The following LIPK variants were observed in gnomAD, a reference collection of about 807,000 sequenced individuals.
The protein encoded by LIPK is lipase member K.
In LIPK, 32 loss-of-function variants were observed where a neutral mutation model predicts 48.6. The observed-to-expected ratio is 0.66, with a 90% confidence interval of 0.50 to 0.88. The LOEUF (loss-of-function observed/expected upper bound fraction) is 0.88, where lower values mean the gene tolerates loss of function less well. Among genes scored for constraint, LIPK ranks in the 40% least tolerant of loss-of-function variants. The pLI, the probability that LIPK is intolerant of heterozygous loss-of-function variation, is 0.00. For synonymous variants in LIPK, 164 were observed against 157.4 expected (o/e 1.04, Z -0.32); for missense variants, 507 against 478.5 (o/e 1.06, Z -0.56).
At chr10:88,726,062 G>C (rs1842331402) in intron 2 of LIPK, among the ~76,000 whole-genome samples, 1 of 125,036 alleles carries the variant, frequency 8.0e-6, no homozygotes, top group African/African-American at 3.4e-5. Context: ...TTTCTCCTTC[G>C]GGCTTCCAGT....
chr10:88,717,879 A>T (rs1490777230), intron 1 of LIPK, among the ~76,000 whole-genome samples: 2 of 149,634 alleles, frequency 1.3e-5, no homozygotes, highest in Non-Finnish European at 3.0e-5. Context: ...GTATTATTTA[A>T]TGTTTTTTTT....
At chr10:88,737,254 C>T (rs950910044) in intron 6 of LIPK, among the ~76,000 whole-genome samples, 18 of 152,152 alleles carry the variant, frequency 1.2e-4, no homozygotes, top group African/African-American at 1.2e-4. Flanking sequence ...CACAACAGCC[C>T]TACCCAGTAG....
In LIPK at chr10:88,743,296, A is replaced by C; in HGVS notation, c.935A>C (p.Asp312Ala). Residue 312 changes from aspartate to alanine, a missense_variant, in exon 9 of 10, where the codon GAT becomes GCT. Physicochemically the swap from Asp to Ala is moderately radical, Grantham distance 126 (BLOSUM62 -2). Transcript: ENST00000404190. The stretch of plus-strand genomic sequence containing the variant: ...CAAGCTTTTGATTGGGGAAACTCTG[A>C]TCAGAACATGATGCACTTCCATCAG... ...QLQAFDWGNS[D>A]QNMMHFHQLT... The C allele has an allele frequency of 6.3e-7, 1 of 1,593,876 alleles. No individual in the cohort carries two copies. Among genetic ancestry groups the C allele is most frequent in the Non-Finnish European group, 8.6e-7 (1 of 1,168,274 alleles).
chr10:88,707,431 C>T (rs1477477268), intron 1 of LIPK, among the ~76,000 whole-genome samples: 1 of 152,010 alleles, frequency 6.6e-6, no homozygotes, highest in African/African-American at 2.4e-5. Context: ...TAATTTTTGC[C>T]TTTAATTTGA....
intron 1 of LIPK, among the ~76,000 whole-genome samples, chr10:88,715,788 CTCCT>C (rs1397329118): frequency 4.7e-5 from 7 of 149,060 alleles, no homozygotes; most frequent in Admixed American, 3.4e-4. Flanking sequence ...CTCTTTCTTT[CTCCT>C]TCCTTCCTTC....
chr10:88,737,401 A>G (rs1167991583), intron 6 of LIPK, among the ~76,000 whole-genome samples: 1 of 152,162 alleles, frequency 6.6e-6, no homozygotes, highest in East Asian at 1.9e-4. Context: ...TCCTGTGGGA[A>G]CTAGTTTCTC....
chr10:88,733,217 C>T (rs975915982), intron 6 of LIPK, among the ~76,000 whole-genome samples: 2 of 152,148 alleles, frequency 1.3e-5, no homozygotes, highest in Admixed American at 1.3e-4. Context: ...TTGACAATTC[C>T]CAAAACCCAG....
At chr10:88,752,481 G>A in intron 9 of LIPK, 36 bp from the exon 10 acceptor site, 2 of 1,462,324 alleles carry the variant, frequency 1.4e-6, no homozygotes, top group Non-Finnish European at 1.9e-6. Context: ...GTAATATTCT[G>A]TAAAAACTTT....
At chr10:88,731,224 A>G (rs1842461079) in intron 4 of LIPK, 43 bp downstream of exon 4, 5 of 1,399,328 alleles carry the variant, frequency 3.6e-6, no homozygotes, top group African/African-American at 1.5e-5. Flanking sequence ...TACTTTCCTC[A>G]TGCATATGTA....
Position 88,724,635 on chromosome 10 carries a change from C to A in LIPK, c.92C>A (p.Ala31Asp). The change falls in exon 2 of 10, where the codon GCT becomes GAT. Residue 31 changes from alanine to aspartate, a missense_variant. Physicochemically the swap from Ala to Asp is moderately radical, Grantham distance 126. Coordinates refer to ENST00000404190, the MANE Select transcript of LIPK (RefSeq NM_001080518.2). ...AAAGGAAACAATGCAAACCCTGAAG[C>A]TAATATGAATATTGTAAGTCATTTA... ...DKKGNNANPE[A>D]NMNISQIISY... is the part of the protein sequence containing the mutation. 1 of 1,592,092 alleles carries A rather than the reference C, an allele frequency of 6.3e-7. No individual in the cohort carries two copies. Among genetic ancestry groups the A allele is most frequent in the Non-Finnish European group, 8.5e-7 (1 of 1,171,090 alleles).
chr10:88,743,081 C>A (rs73352673), intron 8 of LIPK, among the ~76,000 whole-genome samples, 169 bp from the exon 9 acceptor site: 7 of 152,094 alleles, frequency 4.6e-5, no homozygotes, highest in African/African-American at 1.7e-4. Flanking sequence ...CTGTGAATTA[C>A]GATAAGATTT....
intron 1 of LIPK, among the ~76,000 whole-genome samples, chr10:88,707,099 T>G (rs924542209): frequency 4.6e-5 from 7 of 152,150 alleles, no homozygotes; most frequent in African/African-American, 1.7e-4. Flanking sequence ...CTGTTATTTT[T>G]TGTTTGTTTT....
intron 1 of LIPK, among the ~76,000 whole-genome samples, chr10:88,716,998 A>G (rs147483917): frequency 2.2e-4 from 33 of 152,278 alleles, no homozygotes; most frequent in Admixed American, 3.9e-4. Context: ...ATCAAGGAGA[A>G]TGGGGAAAGA....
At chr10:88,741,213 AT>A (rs1842674653) in intron 8 of LIPK, among the ~76,000 whole-genome samples, 3 of 152,038 alleles carry the variant, frequency 2.0e-5, no homozygotes, top group Admixed American at 6.6e-5. Flanking sequence ...TTATTTATTT[AT>A]TTTTTAAGAC....
Position 88,732,675 on chromosome 10 carries a change from T to C in LIPK, c.669+124T>C, listed in dbSNP as rs1309336006. ...AAATAATAGGTATTCAAGATATCCA[T>C]GTAAGTTCACTGATGATGTATGCAA... On this transcript the variant is annotated intron_variant, in intron 6 of 9. Coordinates refer to ENST00000404190, the MANE Select transcript of LIPK (RefSeq NM_001080518.2). The C allele has an allele frequency of 6.0e-6, 6 of 1,007,600 alleles. No homozygotes were observed. The Admixed American group carries it at 9.7e-5, about 16-fold the overall frequency. The allele number at this position is 1,007,600 out of a possible 1,614,324, so 62.4% of individuals were successfully genotyped here.
intron 4 of LIPK, 56 bp from the exon 5 acceptor site, chr10:88,732,122 T>C (rs962299889): frequency 8.4e-7 from 1 of 1,184,800 alleles, no homozygotes; most frequent in Non-Finnish European, 1.2e-6. Flanking sequence ...TGTTTAAATG[T>C]TCTAGGCCTA....
At chr10:88,733,813 C>G (rs1842516999) in intron 6 of LIPK, among the ~76,000 whole-genome samples, 2 of 152,158 alleles carry the variant, frequency 1.3e-5, no homozygotes, top group South Asian at 4.1e-4. Flanking sequence ...CAAAAGATAT[C>G]TAGGAGCTAC....
rs150954196 is a variant in LIPK at position 88,726,617 on chromosome 10, C to A, written c.106-178C>A. Among the ~76,000 whole-genome samples, 393 of 152,234 alleles carry A rather than the reference C, an allele frequency of 2.6e-3. 4 individuals are homozygous for A. Among genetic ancestry groups the A allele is most frequent in the South Asian group, 0.017 (80 of 4,830 alleles). ...ACTGAGGTGGGAGGATAGCTTGAGCCGAGGAGGCGAAGGCTGCAGTGAGCC... is the reference window on the plus strand; with the variant it reads ...ACTGAGGTGGGAGGATAGCTTGAGCAGAGGAGGCGAAGGCTGCAGTGAGCC... On this transcript the variant is annotated intron_variant, in intron 2 of 9. Transcript: ENST00000404190.
chr10:88,746,465 A>G (rs1590161754), intron 9 of LIPK, among the ~76,000 whole-genome samples: 1 of 152,150 alleles, frequency 6.6e-6, no homozygotes, highest in East Asian at 1.9e-4. Flanking sequence ...AGAAATCAAT[A>G]CCAAGATGAT....
Sources: allele counts gnomAD v4.1 joint callset (sites outside exome capture counted in the v4.1 genomes callset), GRCh38; gene constraint gnomAD v4.1.1; transcripts MANE v1.5; gene names NCBI Gene and HGNC (gene_info 2026-07-23, HGNC 2026-07-21).